ANXA10: variants seen among roughly 807,000 people sequenced by gnomAD.
ANXA10 encodes the protein annexin A10.
ANXA10 carries 49 observed loss-of-function variants against 53.5 expected under a neutral mutation model. The ratio of observed to expected loss-of-function variants is 0.92; its 90% CI spans 0.73 to 1.16. The LOEUF is 1.16. Among genes scored for constraint, ANXA10 ranks in the 50% most tolerant of loss-of-function variants. The probability of loss-of-function intolerance (pLI) is 0.00; values close to 1 mark genes in which losing one functional copy is unlikely to be tolerated. For missense variants in ANXA10, 393 were observed against 394.4 expected, an observed-to-expected ratio of 1.00 and a Z score of 0.03; for synonymous variants, 131 against 128.9, an observed-to-expected ratio of 1.02 and a Z score of -0.11.
At chr4:168,119,931 C>G (rs1730957894) in intron 1 of ANXA10, among the ~76,000 whole-genome samples, 1 of 152,048 alleles carries the variant, frequency 6.6e-6, no homozygotes, top group African/African-American at 2.4e-5. Context: ...TTCTTTGCCA[C>G]TAAGTTGCTG....
At chr4:168,148,662 T>G (rs1041210033) in intron 3 of ANXA10, among the ~76,000 whole-genome samples, 3 of 152,210 alleles carry the variant, frequency 2.0e-5, no homozygotes, top group Non-Finnish European at 4.4e-5. Flanking sequence ...TAGTCATTAT[T>G]ATGCCATTGT....
intron 1 of ANXA10, among the ~76,000 whole-genome samples, chr4:168,126,498 A>C (rs377042416): frequency 1.3e-5 from 2 of 152,116 alleles, no homozygotes; most frequent in African/African-American, 2.4e-5. Flanking sequence ...ACCACCTCCA[A>C]CTCTATCTTT....
At position 168,181,688 on chromosome 4, in the gene ANXA10, T is replaced by C. The variant is rs762486259; in HGVS notation, c.730T>C (p.Cys244Arg). ...CTCTCTCTGATTTCTCCTAGTTCTC[T>C]GTGTTCGAGACAAACCAGCCTATTT... is the stretch of plus-strand genomic sequence containing the variant. ...FQELLVAIVL[C>R]VRDKPAYFAY... The change falls in exon 10 of 12, where the codon TGT (cysteine) becomes CGT (arginine). Residue 244 changes from cysteine (C) to arginine (R), a missense_variant. Physicochemically the swap from Cys to Arg is radical, Grantham distance 180 (BLOSUM62 -3). Coordinates refer to ENST00000359299, the MANE Select transcript of ANXA10 (RefSeq NM_007193.5). 1 of 1,603,460 alleles carries C rather than the reference T, an allele frequency of 6.2e-7. No individual in the cohort carries two copies. Among genetic ancestry groups the C allele is most frequent in the East Asian group, 2.2e-5 (1 of 44,710 alleles).
intron 1 of ANXA10, among the ~76,000 whole-genome samples, chr4:168,112,534 CAG>C (rs1179954742): frequency 2.0e-5 from 3 of 152,052 alleles, no homozygotes; most frequent in Admixed American, 1.3e-4. Flanking sequence ...CTTTTTATGT[CAG>C]AGTTTTTTCA....
At chr4:168,100,666 G>T (rs184785197) in intron 1 of ANXA10, among the ~76,000 whole-genome samples, 1 of 151,802 alleles carries the variant, frequency 6.6e-6, no homozygotes. Context: ...CAAACTATAC[G>T]GTTTGAAGCT....
chr4:168,131,877 T>C (rs947295256), intron 2 of ANXA10, among the ~76,000 whole-genome samples: 1 of 152,124 alleles, frequency 6.6e-6, no homozygotes, highest in African/African-American at 2.4e-5. Context: ...TCTCTCTGTG[T>C]CTTTAATGTT....
rs534837909 is a variant in ANXA10, at chr4:168,125,204, C to A, written c.19-2880C>A. Among the ~76,000 whole-genome samples the A allele has an allele frequency of 6.6e-5, 10 of 152,284 alleles. No homozygotes were observed. In the South Asian group the frequency reaches 1.9e-3, roughly 28 times the overall value. Reference sequence around the variant, plus strand: ...TCTGTCCAAAGTAAAATCCAAGGAGCAACGCTCCAAAGTTAAGTCAATGCC... The same window carrying A: ...TCTGTCCAAAGTAAAATCCAAGGAGAAACGCTCCAAAGTTAAGTCAATGCC... On this transcript the variant is annotated intron_variant, in intron 1 of 11. Coordinates refer to ENST00000359299, the MANE Select transcript of ANXA10 (RefSeq NM_007193.5).
chr4:168,133,915 C>A (rs1489367391), intron 2 of ANXA10, among the ~76,000 whole-genome samples: 1 of 151,668 alleles, frequency 6.6e-6, no homozygotes. Context: ...AAATCCCTGA[C>A]CTAAAGCACT....
intron 3 of ANXA10, among the ~76,000 whole-genome samples, chr4:168,142,780 G>T (rs910155710): frequency 1.7e-4 from 26 of 152,140 alleles, no homozygotes; most frequent in African/African-American, 6.0e-4. Flanking sequence ...GGCTTTGACT[G>T]CTCCTGTAAA....
At chr4:168,110,670 A>G (rs1171660692) in intron 1 of ANXA10, among the ~76,000 whole-genome samples, 2 of 152,168 alleles carry the variant, frequency 1.3e-5, no homozygotes, top group South Asian at 2.1e-4. Context: ...GAAGTTCTTT[A>G]GTATATAGTT....
intron 6 of ANXA10, among the ~76,000 whole-genome samples, chr4:168,170,854 A>G (rs1731971110): frequency 6.6e-6 from 1 of 152,190 alleles, no homozygotes; most frequent in African/African-American, 2.4e-5. Flanking sequence ...CATAATAGAA[A>G]ATGGAGGTAC....
intron 1 of ANXA10, chr4:168,127,596 C>A (rs1180566084): frequency 1.7e-5 from 3 of 176,762 alleles, no homozygotes; most frequent in East Asian, 1.7e-4. Flanking sequence ...TTGATTCTCC[C>A]ATTTTTTTAC....
At chr4:168,171,529 G>T (rs116344445) in intron 6 of ANXA10, among the ~76,000 whole-genome samples, 2,925 of 151,806 alleles carry the variant, frequency 0.019, 92 homozygotes, top group African/African-American at 0.063. Flanking sequence ...CATTTTTTTT[G>T]AATTAATAGA....
intron 2 of ANXA10, among the ~76,000 whole-genome samples, chr4:168,133,576 A>G (rs950584264): frequency 2.6e-5 from 4 of 152,114 alleles, no homozygotes; most frequent in African/African-American, 9.7e-5. Flanking sequence ...ATATCTCTTA[A>G]ATGTTTATAC....
At chr4:168,157,328 C>T (rs1215822351) in intron 3 of ANXA10, among the ~76,000 whole-genome samples, 1 of 151,960 alleles carries the variant, frequency 6.6e-6, no homozygotes, top group Non-Finnish European at 1.5e-5. Context: ...AGTGCAGTGG[C>T]ATGATCTCGG....
chr4:168,176,947 C>A (rs576364112), intron 6 of ANXA10, among the ~76,000 whole-genome samples: 2 of 152,256 alleles, frequency 1.3e-5, no homozygotes, highest in East Asian at 3.9e-4. Flanking sequence ...TTACAGTGAA[C>A]TATGATCATG....
rs1320056 is a variant in ANXA10 at position 168,145,476 on chromosome 4, G to A, written c.195+5896G>A. 7.0e-3 allele frequency among the ~76,000 whole-genome samples: 1,067 copies of A among 152,140 alleles called. 8 individuals are homozygous for A. Among genetic ancestry groups the A allele is most frequent in the African/African-American group, 0.024 (1,009 of 41,524 alleles). On this transcript the variant is annotated intron_variant, in intron 3 of 11. Coordinates refer to ENST00000359299, the MANE Select transcript of ANXA10 (RefSeq NM_007193.5). ...AAGTTCCTCCCAAAGCTAGTTCGGC[G>A]TATGACCAGGAATGAACAAGTACAT...
rs1731662270 is a variant in ANXA10 at position 168,156,175 on chromosome 4, A to ATTATATATTATATC, written c.196-6340_196-6339insCTTATATATTATAT. Among the ~76,000 whole-genome samples the ATTATATATTATATC allele has an allele frequency of 8.8e-5, 3 of 34,058 alleles. 1 individual carries two copies. The South Asian group carries it at 2.5e-3, about 28-fold the overall frequency. The allele number at this position is 34,058 out of a possible 152,430, so 22.3% of individuals were successfully genotyped here. On this transcript the variant is annotated intron_variant, in intron 3 of 11. Transcript: ENST00000359299. ...ATATATTATATATTATATATATTAT[A>ATTATATATTATATC]TTATATATTATATATTATATATAAT...
chr4:168,166,856 A>C (rs1731890645), intron 6 of ANXA10, among the ~76,000 whole-genome samples: 1 of 152,156 alleles, frequency 6.6e-6, no homozygotes, highest in Non-Finnish European at 1.5e-5. Context: ...TTAAAAAAAG[A>C]ATACATGAAA....
Sources: allele counts gnomAD v4.1 joint callset (sites outside exome capture counted in the v4.1 genomes callset), GRCh38; gene constraint gnomAD v4.1.1; transcripts MANE v1.5; gene names NCBI Gene and HGNC (gene_info 2026-07-23, HGNC 2026-07-21).